AAMDC: variants seen among roughly 807,000 people sequenced by gnomAD.
The protein encoded by AAMDC is adipogenesis associated Mth938 domain containing.
Under a neutral mutation model 15.5 loss-of-function variants are expected in AAMDC, and 16 were observed. That is an observed-to-expected ratio of 1.03 (90% CI 0.70 to 1.57). The LOEUF (loss-of-function observed/expected upper bound fraction) is 1.57. AAMDC is among the 40% of genes most tolerant of loss of function. The pLI, the probability that AAMDC is intolerant of heterozygous loss-of-function variation, is 0.00. For synonymous variants in AAMDC, 51 were observed against 51.6 expected (o/e 0.99, Z 0.05); for missense variants, 141 against 144.9 (o/e 0.97, Z 0.14).
chr11:77,894,338 A>G, intron 5 of AAMDC: 1 of 1,562,680 alleles, frequency 6.4e-7, no homozygotes, highest in Non-Finnish European at 8.8e-7. Flanking sequence ...CATCCCAAAT[A>G]AGGGGTCAAG....
chr11:77,857,235 G>A (rs1254939393), intron 2 of AAMDC, among the ~76,000 whole-genome samples: 3 of 152,148 alleles, frequency 2.0e-5, no homozygotes, highest in Non-Finnish European at 4.4e-5. Flanking sequence ...TGAGAGGAAG[G>A]AATACCTAAG....
chr11:77,832,951 A>ATATG (rs1392711636), intron 1 of AAMDC, among the ~76,000 whole-genome samples: 47 of 68,428 alleles, frequency 6.9e-4, no homozygotes, highest in Non-Finnish European at 1.1e-3. Context: ...GTATATATAT[A>ATATG]TGTGTGTGTG....
chr11:77,827,947 G>A (rs1949254331), intron 1 of AAMDC, among the ~76,000 whole-genome samples: 1 of 152,150 alleles, frequency 6.6e-6, no homozygotes, highest in Non-Finnish European at 1.5e-5. Flanking sequence ...CAAAAATCCT[G>A]TGTTATTCTG....
chr11:77,877,069 C>T (rs745751161), downstream of AAMDC: 9 of 702,576 alleles, frequency 1.3e-5, no homozygotes, highest in Middle Eastern at 4.6e-4. Flanking sequence ...CTAGAAAAGT[C>T]AGCTCCCTGG....
rs73495961 is a variant in AAMDC at position 77,843,111 on chromosome 11, C to T, written c.132+483C>T. Among the ~76,000 whole-genome samples the T allele has an allele frequency of 8.2e-3, 1,249 of 152,322 alleles. 14 individuals are homozygous for T. The highest frequency in any genetic ancestry group is 0.027 in the African/African-American group (1,110 of 41,578). ...ACTGCCAGACTATCTTCCAAGGCAC[C>T]TGCACCATTTTACATCTCCACTAGG... On this transcript the variant is annotated intron_variant, in intron 2 of 3. Coordinates refer to ENST00000393427, the MANE Select transcript of AAMDC (RefSeq NM_024684.4).
intron 2 of AAMDC, among the ~76,000 whole-genome samples, chr11:77,862,840 G>C (rs1950939914): frequency 6.6e-6 from 1 of 152,140 alleles, no homozygotes; most frequent in Non-Finnish European, 1.5e-5. Flanking sequence ...ATGGCCAGGT[G>C]GTACTGCAGA....
downstream of AAMDC, chr11:77,901,345 T>C: frequency 7.0e-7 from 1 of 1,431,066 alleles, no homozygotes; most frequent in South Asian, 1.2e-5. Context: ...TCATTAACTT[T>C]CGTGTGATGT....
At chr11:77,870,298 A>C (rs1317229601) in intron 3 of AAMDC, among the ~76,000 whole-genome samples, 1 of 146,866 alleles carries the variant, frequency 6.8e-6, no homozygotes, top group Non-Finnish European at 1.5e-5. Context: ...AGGATTACAA[A>C]TGTGAGCTAC....
At chr11:77,900,111 T>TA (rs557551958) in intron 5 of AAMDC, among the ~76,000 whole-genome samples, 86 of 152,024 alleles carry the variant, frequency 5.7e-4, no homozygotes, top group African/African-American at 1.0e-3. Context: ...TTTTTTTTTT[T>TA]TATATAAAGA....
intron 1 of AAMDC, among the ~76,000 whole-genome samples, chr11:77,840,096 A>T (rs1949864988): frequency 1.6e-5 from 1 of 62,168 alleles, no homozygotes; most frequent in Non-Finnish European, 3.0e-5. Context: ...GGGGGACAGT[A>T]AACACACACA....
At chr11:77,829,293 T>TCAGG (rs1949315975) in intron 1 of AAMDC, among the ~76,000 whole-genome samples, 1 of 152,148 alleles carries the variant, frequency 6.6e-6, no homozygotes, top group South Asian at 2.1e-4. Context: ...GAGATACCAG[T>TCAGG]CAGGCCAGCA....
chr11:77,855,758 G>C lies in AAMDC; in HGVS notation c.132+13130G>C, dbSNP rs116180537. Among the ~76,000 whole-genome samples, 398 of 144,752 alleles carry C rather than the reference G, an allele frequency of 2.7e-3. 5 individuals carry two copies. Among genetic ancestry groups the C allele is most frequent in the African/African-American group, 9.9e-3 (381 of 38,322 alleles). The allele number at this position is 144,752 out of a possible 152,430, so 95.0% of individuals were successfully genotyped here. A position where few individuals can be genotyped will look rare whatever the true frequency, so the allele number is the denominator to read the frequency against. The stretch of plus-strand genomic sequence containing the variant: ...TTTTTGCTCAAGAATATGAGCATAG[G>C]CTGCTAGAGGCAGCCAGACCATGTC... On this transcript the variant is annotated intron_variant, in intron 2 of 3. Coordinates refer to ENST00000393427, the MANE Select transcript of AAMDC (RefSeq NM_024684.4).
At chr11:77,897,966 T>C (rs1017747519) in intron 5 of AAMDC, among the ~76,000 whole-genome samples, 9 of 151,980 alleles carry the variant, frequency 5.9e-5, no homozygotes, top group African/African-American at 9.7e-5. Context: ...ACACCACCCA[T>C]GTCCAGCTAA....
At chr11:77,823,315 G>A (rs555769293) in intron 1 of AAMDC, among the ~76,000 whole-genome samples, 2 of 151,946 alleles carry the variant, frequency 1.3e-5, no homozygotes, top group South Asian at 4.2e-4. Flanking sequence ...TAATAAGTCG[G>A]AAAATATTGT....
At chr11:77,831,497 A>G (rs1949422580) in intron 1 of AAMDC, among the ~76,000 whole-genome samples, 1 of 152,102 alleles carries the variant, frequency 6.6e-6, no homozygotes, top group South Asian at 2.1e-4. Flanking sequence ...ATTCTTACTT[A>G]GTAGATCTCT....
downstream of AAMDC, among the ~76,000 whole-genome samples, chr11:77,873,638 T>C (rs1197590332): frequency 6.6e-6 from 1 of 152,164 alleles, no homozygotes; most frequent in African/African-American, 2.4e-5. Context: ...GACAAATAAG[T>C]AAACAATAAT....
intron 1 of AAMDC, among the ~76,000 whole-genome samples, chr11:77,834,421 T>C (rs1232186684): frequency 6.6e-6 from 1 of 150,582 alleles, no homozygotes; most frequent in East Asian, 2.0e-4. Flanking sequence ...ATGATGAATT[T>C]CATGGAGAAA....
chr11:77,821,874 G>T (rs1001005006), intron 1 of AAMDC, among the ~76,000 whole-genome samples: 1 of 152,098 alleles, frequency 6.6e-6, no homozygotes, highest in African/African-American at 2.4e-5. Context: ...TCCTAGCGGG[G>T]CTACTTCATG....
At chr11:77,889,135 T>C (rs59629019) in intron 5 of AAMDC, among the ~76,000 whole-genome samples, 3,148 of 152,260 alleles carry the variant, frequency 0.021, 97 homozygotes, top group African/African-American at 0.071. Context: ...CATATGTTTA[T>C]TGCGGCACCA....
Sources: allele counts gnomAD v4.1 joint callset (sites outside exome capture counted in the v4.1 genomes callset), GRCh38; gene constraint gnomAD v4.1.1; transcripts MANE v1.5; gene names NCBI Gene and HGNC (gene_info 2026-07-23, HGNC 2026-07-21).